Variants in BHLHE41 observed in about 807,000 individuals in gnomAD.
The protein encoded by BHLHE41 is basic helix-loop-helix family member e41.
In BHLHE41, 14 loss-of-function variants were observed where a neutral mutation model predicts 24.0. The observed-to-expected ratio is 0.58, with a 90% confidence interval of 0.39 to 0.91. BHLHE41 has a LOEUF of 0.91. Among genes scored for constraint, BHLHE41 ranks in the 40% least tolerant of loss-of-function variants. The pLI is 0.00. For missense variants in BHLHE41, 674 were observed against 655.4 expected (o/e 1.03, Z -0.31); for synonymous variants, 394 against 315.5 (o/e 1.25, Z -2.64).
In BHLHE41 at chr12:26,122,112, C is replaced by G. The variant is rs1206302622; in HGVS notation, c.1403G>C (p.Ser468Thr). The change falls in exon 5 of 5, where the codon AGC becomes ACC. Residue 468 changes from serine to threonine, a missense_variant. By Grantham distance (58) the Ser-to-Thr change is moderately conservative (BLOSUM62 1). Around this residue, in one of 3 missense-constraint regions of BHLHE41, gnomAD observed 602 missense variants for 570.8 expected, o/e 1.05. Transcript: ENST00000242728. ...CTGCGAGGGATCTTCCTGAGCAGAG[C>G]TCTCCGGGTTCCCCGGCTCGCGGGG... ...AGPREPGNPE[S>T]SAQEDPSQPG... The G allele has an allele frequency of 6.5e-7, 1 of 1,549,566 alleles. No individual in the cohort carries two copies. The highest frequency in any genetic ancestry group is 1.4e-5 in the African/African-American group (1 of 73,138).
rs1456099428 is a variant in BHLHE41 at position 26,122,597 on chromosome 12, C to T, written c.918G>A (p.Gly306=). ...GAAAAAAALL[G]PDPAAAAALL... is the part of the protein sequence containing the mutation. ...GCGCGGCCGCGGCGGCAGGGTCGGG[C>T]CCCAGAAGCGCGGCTGCCGCCGCCG... The change falls in exon 5 of 5, where the codon GGG becomes GGA. Residue 306 remains glycine (G), a synonymous_variant. Transcript: ENST00000242728. 6 of 1,121,046 alleles carry T rather than the reference C, an allele frequency of 5.4e-6. No individual in the cohort carries two copies. Among genetic ancestry groups the T allele is most frequent in the African/African-American group, 5.1e-5 (3 of 59,190 alleles). 69.4% of individuals were successfully genotyped at this position (1,121,046 alleles called of 1,614,324 possible).
At chr12:26,124,031 C>T (rs1944339475) in intron 3 of BHLHE41, 41 bp downstream of exon 3, 1 of 1,321,122 alleles carries the variant, frequency 7.6e-7, no homozygotes, top group Non-Finnish European at 1.1e-6. Context: ...ACTATTAACA[C>T]GCCCTTGGAG....
At position 26,122,415 on chromosome 12, in the gene BHLHE41, A is replaced by G. The variant is rs1186017491; in HGVS notation, c.1100T>C (p.Leu367Pro). The G allele has an allele frequency of 3.0e-6, 4 of 1,318,198 alleles. No individual in the cohort carries two copies. The highest frequency in any genetic ancestry group is 3.9e-6 in the Non-Finnish European group (4 of 1,023,950). 81.7% of individuals were successfully genotyped at this position (1,318,198 alleles called of 1,614,324 possible). The change falls in exon 5 of 5, where the codon CTG (leucine) becomes CCG (proline). Residue 367 changes from leucine (L) to proline (P), a missense_variant. By Grantham distance (98) the Leu-to-Pro change is moderately conservative. Around this residue, in one of 3 missense-constraint regions of BHLHE41, gnomAD observed 602 missense variants for 570.8 expected, o/e 1.05. Transcript: ENST00000242728. The stretch of plus-strand genomic sequence containing the variant: ...ATACTTCTCCAGGCCGCTCTTGTCC[A>G]GGAAGGGCTGCACGTAGGCGGCAGC... Reference protein sequence around the residue: ...SAAAAYVQPFLDKSGLEKYLY... With the variant: ...SAAAAYVQPFPDKSGLEKYLY...
Position 26,120,366 on chromosome 12 carries a change from A to G in BHLHE41, c.*1700T>C, listed in dbSNP as rs918337923. ...GAGTGCTGAAAATACTAGAATATAA[A>G]GGTAATTTCTAGTTTATCGTCACAT... On this transcript the variant is annotated 3_prime_UTR_variant, in exon 5 of 5. Coordinates refer to ENST00000242728, the MANE Select transcript of BHLHE41 (RefSeq NM_030762.3). The G allele has an allele frequency of 5.9e-5, 9 of 152,754 alleles. No individual in the cohort carries two copies. The highest frequency in any genetic ancestry group is 1.9e-4 in the African/African-American group (8 of 41,584). The allele number at this position is 152,754 out of a possible 1,614,324, so 9.5% of individuals were successfully genotyped here. A position where few individuals can be genotyped will look rare whatever the true frequency, so the allele number is the denominator to read the frequency against.
chr12:26,123,196 G>A, intron 4 of BHLHE41, 28 bp from the exon 5 acceptor site: 3 of 1,554,502 alleles, frequency 1.9e-6, no homozygotes, highest in Non-Finnish European at 2.6e-6. Context: ...TGGGGGTGGG[G>A]GACGGAGGAG....
Position 26,123,840 on chromosome 12 carries a change from T to G in BHLHE41, c.235-99A>C, listed in dbSNP as rs1944337020. On this transcript the variant is annotated intron_variant, in intron 3 of 4. Coordinates refer to ENST00000242728, the MANE Select transcript of BHLHE41 (RefSeq NM_030762.3). Reference sequence around the variant, plus strand: ...CAGCACAGCAATTTAAGCAAACACTTTGAAAGAAGTACTGTTCTTTTACTT... The same window carrying G: ...CAGCACAGCAATTTAAGCAAACACTGTGAAAGAAGTACTGTTCTTTTACTT... 3 of 851,606 alleles carry G rather than the reference T, an allele frequency of 3.5e-6. No homozygotes were observed. In the East Asian group the frequency reaches 7.2e-5, roughly 21 times the overall value. The allele number at this position is 851,606 out of a possible 1,614,324, so 52.8% of individuals were successfully genotyped here.
In BHLHE41 at chr12:26,124,729, T is replaced by C. The variant is rs1944348089; in HGVS notation, c.51A>G (p.Arg17=). Residue 17 remains arginine, a synonymous_variant, in exon 1 of 5, where the codon AGA becomes AGG. Coordinates refer to ENST00000242728, the MANE Select transcript of BHLHE41 (RefSeq NM_030762.3). ...HLQERQLLEH[R]DFIGLDYSSL... Reference sequence around the variant, plus strand: ...TGCGTGCACCTTACCCTATAAAATCTCTATGTTCCAGTAACTGTCTCTCTT... The same window carrying C: ...TGCGTGCACCTTACCCTATAAAATCCCTATGTTCCAGTAACTGTCTCTCTT... The C allele has an allele frequency of 6.2e-7, 1 of 1,614,144 alleles. No homozygotes were observed. Among genetic ancestry groups the C allele is most frequent in the East Asian group, 2.2e-5 (1 of 44,878 alleles).
Position 26,122,227 on chromosome 12 carries a change from C to T in BHLHE41, c.1288G>A (p.Ala430Thr). The change falls in exon 5 of 5, where the codon GCC (alanine) becomes ACC (threonine). Residue 430 changes from alanine to threonine, a missense_variant. Around this residue, in one of 3 missense-constraint regions of BHLHE41, gnomAD observed 602 missense variants for 570.8 expected, o/e 1.05. Transcript: ENST00000242728. ...SPPPEKAGAA[A>T]ATLLPHEVAP... ...ACCTCGTGCGGCAGGAGGGTCGCGG[C>T]GGCGGCGCCCGCCTTCTCGGGAGGG... 1 of 1,292,616 alleles carries T rather than the reference C, an allele frequency of 7.7e-7. No homozygotes were observed. The highest frequency in any genetic ancestry group is 3.2e-5 in the East Asian group (1 of 31,272). 80.1% of individuals were successfully genotyped at this position (1,292,616 alleles called of 1,614,324 possible).
Position 26,121,775 on chromosome 12 carries a change from G to A in BHLHE41, c.*291C>T, listed in dbSNP as rs1269254044. 1 of 519,006 alleles carries A rather than the reference G, an allele frequency of 1.9e-6. No individual in the cohort carries two copies. The highest frequency in any genetic ancestry group is 4.1e-5 in the Admixed American group (1 of 24,472). The allele number at this position is 519,006 out of a possible 1,614,324, so 32.2% of individuals were successfully genotyped here. A position where few individuals can be genotyped will look rare whatever the true frequency, so the allele number is the denominator to read the frequency against. Reference sequence around the variant, plus strand: ...AAAAGGGGGCAAAATTTATTTGGGGGATTAAAAAAAAGAGCCAGTGTCTTT... The same window carrying A: ...AAAAGGGGGCAAAATTTATTTGGGGAATTAAAAAAAAGAGCCAGTGTCTTT... On this transcript the variant is annotated 3_prime_UTR_variant, in exon 5 of 5. Coordinates refer to ENST00000242728, the MANE Select transcript of BHLHE41 (RefSeq NM_030762.3).
rs989363152 is a variant in BHLHE41 at position 26,124,254 on chromosome 12, C to T, written c.127-75G>A. The T allele has an allele frequency of 4.4e-5, 22 of 496,992 alleles. 1 individual carries two copies. In the African/African-American group the frequency reaches 5.7e-4, roughly 13 times the overall value. The allele number at this position is 496,992 out of a possible 1,614,324, so 30.8% of individuals were successfully genotyped here. Reference sequence around the variant, plus strand: ...ACTTATTGGATATTACCCTCGTCTGCCCCCCCCGCCCCCCCACCATAAAAC... The same window carrying T: ...ACTTATTGGATATTACCCTCGTCTGTCCCCCCCGCCCCCCCACCATAAAAC... On this transcript the variant is annotated intron_variant, in intron 2 of 4. Transcript: ENST00000242728.
chr12:26,122,453 G>C lies in BHLHE41; in HGVS notation c.1062C>G (p.Leu354=). 7.4e-7 allele frequency: 1 copy of C among 1,358,300 alleles called. No individual in the cohort carries two copies. The highest frequency in any genetic ancestry group is 9.6e-7 in the Non-Finnish European group (1 of 1,045,504). 84.1% of individuals were successfully genotyped at this position (1,358,300 alleles called of 1,614,324 possible). The change falls in exon 5 of 5, where the codon CTC becomes CTG. Residue 354 remains leucine (L), a synonymous_variant. Coordinates refer to ENST00000242728, the MANE Select transcript of BHLHE41 (RefSeq NM_030762.3). ...CGTAGGCGGCAGCTGCAGAAGGCGA[G>C]AGGAAGCAGAAGGGCAGGCAGAAGG... The part of the protein sequence containing the change: ...AAPFCLPFCF[L]SPSAAAAYVQ...
Position 26,122,096 on chromosome 12 carries a change from A to C in BHLHE41, c.1419T>G (p.Asp473Glu), listed in dbSNP as rs1202504551. Residue 473 changes from aspartate (D) to glutamate (E), a missense_variant, in exon 5 of 5, where the codon GAT becomes GAG. Asp to Glu is a conservative substitution (Grantham distance 45). Coordinates refer to ENST00000242728, the MANE Select transcript of BHLHE41 (RefSeq NM_030762.3). ...GAGCTTCCTTTCCTGGCTGCGAGGG[A>C]TCTTCCTGAGCAGAGCTCTCCGGGT... The part of the protein sequence containing the change: ...PGNPESSAQE[D>E]PSQPGKEAP The C allele has an allele frequency of 6.5e-7, 1 of 1,549,600 alleles. No homozygotes were observed. Among genetic ancestry groups the C allele is most frequent in the Admixed American group, 2.0e-5 (1 of 50,968 alleles).
intron 4 of BHLHE41, 62 bp downstream of exon 4, chr12:26,123,568 A>T: frequency 8.5e-7 from 1 of 1,171,174 alleles, no homozygotes; most frequent in Non-Finnish European, 1.3e-6. Flanking sequence ...GAGTCCTGAC[A>T]CTGCTCCCCT....
chr12:26,124,039 G>GCTTAAC, intron 3 of BHLHE41, 33 bp downstream of exon 3: 1 of 1,392,002 alleles, frequency 7.2e-7, no homozygotes. Context: ...CACGCCCTTG[G>GCTTAAC]AGAGCAGCAA....
At position 26,121,903 on chromosome 12, in the gene BHLHE41, T is replaced by G; in HGVS notation, c.*163A>C. ...AAAACAGGAACTCCGAATGTACACA[T>G]AACACCTGTTTTGTTGTTCTTGTTT... is the stretch of plus-strand genomic sequence containing the variant. On this transcript the variant is annotated 3_prime_UTR_variant, in exon 5 of 5. Transcript: ENST00000242728. The G allele has an allele frequency of 6.6e-7, 1 of 1,516,042 alleles. No homozygotes were observed. Among genetic ancestry groups the G allele is most frequent in the African/African-American group, 1.4e-5 (1 of 72,142 alleles). The allele number at this position is 1,516,042 out of a possible 1,614,324, so 93.9% of individuals were successfully genotyped here. A position where few individuals can be genotyped will look rare whatever the true frequency, so the allele number is the denominator to read the frequency against.
rs772248115 is a variant in BHLHE41, at chr12:26,124,746, G to C, written c.34C>G (p.Gln12Glu). The change falls in exon 1 of 5, where the codon CAG (glutamine) becomes GAG (glutamate). Residue 12 changes from glutamine to glutamate, a missense_variant. Transcript: ENST00000242728. Reference protein sequence around the residue: ...DEGIPHLQERQLLEHRDFIGL... With the variant: ...DEGIPHLQERELLEHRDFIGL... ...ATAAAATCTCTATGTTCCAGTAACT[G>C]TCTCTCTTGCAAATGAGGAATTCCT... 101 of 1,614,098 alleles carry C rather than the reference G, an allele frequency of 6.3e-5. No individual in the cohort carries two copies. Among genetic ancestry groups the C allele is most frequent in the Non-Finnish European group, 8.2e-5 (97 of 1,180,044 alleles).
Position 26,122,961 on chromosome 12 carries a change from G to A in BHLHE41, c.554C>T (p.Pro185Leu). The change falls in exon 5 of 5, where the codon CCT becomes CTT. Residue 185 changes from proline (P) to leucine (L), a missense_variant. Around this residue, in one of 3 missense-constraint regions of BHLHE41, gnomAD observed 602 missense variants for 570.8 expected, o/e 1.05. Transcript: ENST00000242728. ...GGGAGCGCCGGTGCCTTTGCTCAGA[G>A]GGACCTGTTGAGTCAACAGCTGCGG... is the stretch of plus-strand genomic sequence containing the variant. ...PTPQLLTQQV[P>L]LSKGTGAPSA... 4 of 1,560,256 alleles carry A rather than the reference G, an allele frequency of 2.6e-6. No homozygotes were observed. In the South Asian group the frequency reaches 3.5e-5, roughly 14 times the overall value.
Position 26,123,697 on chromosome 12 carries a change from C to T in BHLHE41, c.279G>A (p.Leu93=), listed in dbSNP as rs149995893. 1.4e-4 allele frequency: 231 copies of T among 1,614,112 alleles called. 1 individual carries two copies. The African/African-American group carries it at 2.7e-3, about 19-fold the overall frequency. ...LEKAVVLELT[L]KHLKALTALT... is the part of the protein sequence containing the mutation. ...AGGCGGTTAAAGCTTTTAAGTGTTTCAAAGTTAATTCCAAGACTACAGCTT... is the reference window on the plus strand; with the variant it reads ...AGGCGGTTAAAGCTTTTAAGTGTTTTAAAGTTAATTCCAAGACTACAGCTT... The change falls in exon 4 of 5, where the codon TTG becomes TTA. Residue 93 remains leucine, a synonymous_variant. Transcript: ENST00000242728.
chr12:26,122,476 A>C lies in BHLHE41; in HGVS notation c.1039T>G (p.Phe347Val). The C allele has an allele frequency of 7.5e-7, 1 of 1,340,016 alleles. No homozygotes were observed. Among genetic ancestry groups the C allele is most frequent in the South Asian group, 1.7e-5 (1 of 60,390 alleles). The allele number at this position is 1,340,016 out of a possible 1,614,324, so 83.0% of individuals were successfully genotyped here. The change falls in exon 5 of 5, where the codon TTC becomes GTC. Residue 347 changes from phenylalanine to valine, a missense_variant. Physicochemically the swap from Phe to Val is conservative, Grantham distance 50. Transcript: ENST00000242728. ...GAGAGGAAGCAGAAGGGCAGGCAGA[A>C]GGGGGCCGCGGCGGCCGCGGGCTGC... ...FPQPAAAAAP[F>V]CLPFCFLSPS... is the part of the protein sequence containing the mutation.
Sources: gnomAD v4.1 joint callset for allele counts on GRCh38, gnomAD v4.1.1 for gene constraint, gnomAD v4.1.1 regional missense constraint, MANE v1.5 for transcripts, NCBI Gene and HGNC (gene_info 2026-07-23, HGNC 2026-07-21) for gene names.